FRMD6: variants seen among roughly 807,000 people sequenced by gnomAD.
FRMD6 encodes FERM domain containing 6, also known as FERM domain-containing protein 6.
Under a neutral mutation model 73.2 loss-of-function variants are expected in FRMD6, and 37 were observed. The ratio of observed to expected loss-of-function variants is 0.51; its 90% confidence interval spans 0.39 to 0.66. The LOEUF (loss-of-function observed/expected upper bound fraction) is 0.66. FRMD6 is among the 30% of genes least tolerant of loss of function. FRMD6 has a pLI of 0.00. For synonymous variants in FRMD6, 273 were observed against 282.2 expected (o/e 0.97, Z 0.33); for missense variants, 714 against 780.5 (o/e 0.91, Z 1.02).
At chr14:51,405,168 A>G in the FRMD6 span, among the ~76,000 whole-genome samples, 66 of 152,028 alleles carry the variant, frequency 4.3e-4, no homozygotes, top group African/African-American at 1.4e-3. Flanking sequence ...TCTTTATTCA[A>G]TCTGTCATTG....
In FRMD6 at chr14:51,700,989, T is replaced by C. The variant is rs541173398; in HGVS notation, c.191-67T>C. 20 of 721,136 alleles carry C rather than the reference T, an allele frequency of 2.8e-5. 1 individual carries two copies. In the African/African-American group the frequency reaches 3.2e-4, roughly 12 times the overall value. 44.7% of individuals were successfully genotyped at this position (721,136 alleles called of 1,614,324 possible). A position where few individuals can be genotyped will look rare whatever the true frequency, so the allele number is the denominator to read the frequency against. ...TGAGGCTTTAAAAGAAACTTGTTTC[T>C]TTCTATATTTTTTTTCTTTTAAAAA... is the stretch of plus-strand genomic sequence containing the variant. On this transcript the variant is annotated intron_variant, in intron 3 of 13. Transcript: ENST00000344768.
intron 7 of FRMD6, 138 bp from the exon 8 acceptor site, chr14:51,711,393 G>A: frequency 1.9e-6 from 1 of 521,764 alleles, no homozygotes; most frequent in Non-Finnish European, 3.4e-6. Context: ...ATGTGGAAAG[G>A]CTTGAGCAAA....
At chr14:51,578,980 A>C (rs1333688750) in intron 2 of FRMD6, 3 of 152,176 alleles carry the variant, frequency 2.0e-5, no homozygotes, top group African/African-American at 7.2e-5. Flanking sequence ...AGCTTTATGA[A>C]AACCCAACCA....
chr14:51,604,141 G>A (rs186164973), intron 2 of FRMD6, among the ~76,000 whole-genome samples: 4 of 152,292 alleles, frequency 2.6e-5, no homozygotes, highest in East Asian at 1.9e-4. Context: ...GTGAGAGACC[G>A]CTAGATTGCT....
At chr14:51,695,101 A>C (rs893135352) in intron 2 of FRMD6, among the ~76,000 whole-genome samples, 2 of 148,846 alleles carry the variant, frequency 1.3e-5, no homozygotes, top group Non-Finnish European at 2.9e-5. Flanking sequence ...TTTATTTCCT[A>C]TACATTTAGT....
chr14:51,607,030 C>G (rs569236839), intron 2 of FRMD6, among the ~76,000 whole-genome samples: 2 of 152,168 alleles, frequency 1.3e-5, no homozygotes, highest in African/African-American at 4.8e-5. Context: ...GTCCGGGTCC[C>G]CAGTAGATTG....
chr14:51,439,742 G>A, the FRMD6 span, among the ~76,000 whole-genome samples: 2 of 152,148 alleles, frequency 1.3e-5, no homozygotes, highest in Non-Finnish European at 2.9e-5. Flanking sequence ...GAGGCTGTAG[G>A]CGTTTTTTGA....
chr14:51,613,939 T>G (rs138949675), intron 2 of FRMD6, among the ~76,000 whole-genome samples: 26 of 152,226 alleles, frequency 1.7e-4, no homozygotes, highest in African/African-American at 6.0e-4. Context: ...TAATGATATA[T>G]TTTATATATT....
At chr14:51,674,697 G>A (rs1183196722) in intron 1 of FRMD6, among the ~76,000 whole-genome samples, 1 of 151,964 alleles carries the variant, frequency 6.6e-6, no homozygotes, top group African/African-American at 2.4e-5. Flanking sequence ...GTGTAATTCT[G>A]GTTTCCTTCC....
chr14:51,469,823 T>A, the FRMD6 span, among the ~76,000 whole-genome samples: 1 of 152,082 alleles, frequency 6.6e-6, no homozygotes. Context: ...ATTCTGAAAA[T>A]GTTTGTGTAA....
chr14:51,635,068 C>T (rs2139997945), intron 2 of FRMD6, among the ~76,000 whole-genome samples: 1 of 152,142 alleles, frequency 6.6e-6, no homozygotes, highest in African/African-American at 2.4e-5. Context: ...CCGAGTAAGG[C>T]TTCAACTTCT....
intron 2 of FRMD6, among the ~76,000 whole-genome samples, chr14:51,638,527 A>G (rs1273435383): frequency 6.6e-5 from 10 of 152,132 alleles, no homozygotes; most frequent in African/African-American, 2.2e-4. Flanking sequence ...AGATTTTACA[A>G]CCTGGCTCCC....
chr14:51,664,044 C>T (rs1258029208), intron 1 of FRMD6, among the ~76,000 whole-genome samples: 2 of 152,192 alleles, frequency 1.3e-5, no homozygotes, highest in African/African-American at 4.8e-5. Flanking sequence ...TTTTGGGGGA[C>T]ACATTCAAAC....
the FRMD6 span, among the ~76,000 whole-genome samples, chr14:51,419,915 G>A: frequency 3.6e-3 from 537 of 147,306 alleles, 2 homozygotes; most frequent in East Asian, 8.0e-3. Flanking sequence ...CTTGTTAGGT[G>A]TGGTCATGGG....
intron 10 of FRMD6, among the ~76,000 whole-genome samples, chr14:51,719,769 T>C (rs977295378): frequency 6.6e-6 from 1 of 152,216 alleles, no homozygotes; most frequent in African/African-American, 2.4e-5. Flanking sequence ...GACCAATAAA[T>C]TTGCAGACAA....
chr14:51,436,076 G>A, the FRMD6 span: 2 of 200,676 alleles, frequency 1.0e-5, no homozygotes, highest in South Asian at 1.8e-4. Flanking sequence ...CACCTCAAGT[G>A]AAGAAACCAA....
intron 1 of FRMD6, among the ~76,000 whole-genome samples, chr14:51,513,000 A>G (rs1284401033): frequency 2.6e-5 from 4 of 152,326 alleles, no homozygotes; most frequent in East Asian, 1.9e-4. Context: ...GTAGCCTTTC[A>G]GAGGAGACAG....
chr14:51,655,990 C>G (rs994277123), intron 1 of FRMD6, among the ~76,000 whole-genome samples: 7 of 152,180 alleles, frequency 4.6e-5, no homozygotes, highest in African/African-American at 1.7e-4. Flanking sequence ...TAATTAGTCC[C>G]CCAACATTTG....
chr14:51,485,548 C>A (rs1007954355), upstream of FRMD6, among the ~76,000 whole-genome samples: 6 of 152,224 alleles, frequency 3.9e-5, no homozygotes, highest in Admixed American at 3.9e-4. Flanking sequence ...ATCCAGTACA[C>A]CATTCCTGTT....
Sources: allele counts gnomAD v4.1 joint callset (sites outside exome capture counted in the v4.1 genomes callset), GRCh38; gene constraint gnomAD v4.1.1; transcripts MANE v1.5; gene names NCBI Gene and HGNC (gene_info 2026-07-23, HGNC 2026-07-21).